Variants in PIGU observed in about 807,000 individuals in gnomAD.
PIGU encodes the protein GPI-anchor transamidase component PIGU.
PIGU carries 24 observed loss-of-function variants against 49.9 expected under a neutral mutation model. That is an observed-to-expected ratio of 0.48 (90% CI 0.35 to 0.68). PIGU has a LOEUF of 0.68. PIGU is among the 30% of genes least tolerant of loss of function. PIGU has a pLI of 0.01. For missense variants in PIGU, 490 were observed against 532.6 expected (o/e 0.92, Z 0.79); for synonymous variants, 220 against 205.7 (o/e 1.07, Z -0.59).
At chr20:34,582,739 A>AT (rs1337727399) in intron 9 of PIGU, among the ~76,000 whole-genome samples, 1 of 152,064 alleles carries the variant, frequency 6.6e-6, no homozygotes, top group Non-Finnish European at 1.5e-5. Context: ...GAGGAAACAG[A>AT]TTCAGAGAAG....
chr20:34,634,764 C>T, intron 5 of PIGU, 49 bp from the exon 6 acceptor site: 1 of 1,592,520 alleles, frequency 6.3e-7, no homozygotes, highest in Non-Finnish European at 8.6e-7. Flanking sequence ...ACCAAGGAGC[C>T]CTCGCCATTA....
intron 1 of PIGU, among the ~76,000 whole-genome samples, chr20:34,658,794 T>C (rs868259120): frequency 0.019 from 1,954 of 104,276 alleles, 47 homozygotes; most frequent in African/African-American, 0.062. Flanking sequence ...CCCCTCCGCC[T>C]GGCAGCCGCC....
chr20:34,591,219 T>C (rs1031472474), intron 7 of PIGU, among the ~76,000 whole-genome samples: 1 of 152,038 alleles, frequency 6.6e-6, no homozygotes, highest in African/African-American at 2.4e-5. Flanking sequence ...GCTCCATTCA[T>C]TGGAAAAATA....
At chr20:34,620,692 T>TC (rs1047658030) in intron 6 of PIGU, among the ~76,000 whole-genome samples, 8 of 150,824 alleles carry the variant, frequency 5.3e-5, no homozygotes, top group Admixed American at 3.3e-4. Flanking sequence ...GAGCCTATAG[T>TC]CCCAGCTACT....
intron 1 of PIGU, among the ~76,000 whole-genome samples, chr20:34,667,111 A>C (rs1332547523): frequency 6.6e-6 from 1 of 152,088 alleles, no homozygotes; most frequent in African/African-American, 2.4e-5. Context: ...CAAAGTGCTA[A>C]GATTACAGGC....
intron 6 of PIGU, among the ~76,000 whole-genome samples, chr20:34,619,129 A>G (rs1229078644): frequency 6.6e-6 from 1 of 152,220 alleles, no homozygotes; most frequent in Non-Finnish European, 1.5e-5. Flanking sequence ...AGAAGCTAGA[A>G]GTAATAGGAC....
At chr20:34,606,451 T>C (rs1984619937) in intron 7 of PIGU, among the ~76,000 whole-genome samples, 1 of 152,116 alleles carries the variant, frequency 6.6e-6, no homozygotes, top group South Asian at 2.1e-4. Context: ...TTTCATAACA[T>C]TAACATTTTG....
chr20:34,657,129 T>C, intron 2 of PIGU, 51 bp downstream of exon 2: 1 of 1,377,112 alleles, frequency 7.3e-7, no homozygotes, highest in Non-Finnish European at 1.0e-6. Context: ...CTTTGGTATC[T>C]GTGACTGTAA....
intron 1 of PIGU, among the ~76,000 whole-genome samples, chr20:34,672,940 C>A (rs1987356601): frequency 6.6e-6 from 1 of 150,448 alleles, no homozygotes; most frequent in Non-Finnish European, 1.5e-5. Context: ...CCCCTTTACC[C>A]AAAGAACTGA....
chr20:34,611,362 AC>A (rs1359286724), intron 7 of PIGU, among the ~76,000 whole-genome samples: 1 of 151,862 alleles, frequency 6.6e-6, no homozygotes, highest in African/African-American at 2.4e-5. Flanking sequence ...AAGAAAAAAA[AC>A]AGGCCAGGTG....
chr20:34,570,958 G>C (rs776724138), intron 11 of PIGU, among the ~76,000 whole-genome samples: 2 of 152,164 alleles, frequency 1.3e-5, no homozygotes, highest in Non-Finnish European at 2.9e-5. Flanking sequence ...GGTATTTGAA[G>C]AGCATGTTGC....
intron 7 of PIGU, among the ~76,000 whole-genome samples, chr20:34,597,556 T>G (rs555901895): frequency 6.6e-6 from 1 of 152,320 alleles, no homozygotes; most frequent in African/African-American, 2.4e-5. Context: ...GTATTAAGAT[T>G]CATGCACTTC....
At position 34,641,533 on chromosome 20, in the gene PIGU, T is replaced by C. The variant is rs1299522644; in HGVS notation, c.318+2631A>G. Among the ~76,000 whole-genome samples the C allele has an allele frequency of 3.3e-5, 5 of 152,164 alleles. No homozygotes were observed. The East Asian group carries it at 9.6e-4, about 29-fold the overall frequency. ...CATTGTTTTTGTCAAGTGAGATAGA[T>C]GTAAAATGTCATGATAACCAACTGG... On this transcript the variant is annotated intron_variant, in intron 4 of 11. Coordinates refer to ENST00000217446, the MANE Select transcript of PIGU (RefSeq NM_080476.5).
intron 1 of PIGU, among the ~76,000 whole-genome samples, chr20:34,664,757 A>G (rs1340532328): frequency 2.0e-5 from 3 of 152,166 alleles, no homozygotes; most frequent in Non-Finnish European, 2.9e-5. Flanking sequence ...TGAGAGGCCA[A>G]GGAGGGTATA....
At chr20:34,578,406 T>C (rs536445163) in intron 10 of PIGU, among the ~76,000 whole-genome samples, 6 of 152,348 alleles carry the variant, frequency 3.9e-5, no homozygotes, top group Admixed American at 6.5e-5. Context: ...AACATCACTA[T>C]GTACATTTCT....
intron 7 of PIGU, among the ~76,000 whole-genome samples, chr20:34,614,464 C>T (rs1259731612): frequency 6.6e-6 from 1 of 150,874 alleles, no homozygotes; most frequent in Non-Finnish European, 1.5e-5. Flanking sequence ...GAAACCCCAT[C>T]TCTACAAAAA....
At chr20:34,673,021 G>A (rs1196565495) in intron 1 of PIGU, among the ~76,000 whole-genome samples, 8 of 151,796 alleles carry the variant, frequency 5.3e-5, no homozygotes, top group Non-Finnish European at 1.0e-4. Flanking sequence ...TTGGAAGGCC[G>A]AGGCGGGTGG....
Position 34,600,416 on chromosome 20 carries a change from G to GA in PIGU, c.628-11810dup, listed in dbSNP as rs1055148014. 4.0e-4 allele frequency among the ~76,000 whole-genome samples: 60 copies of GA among 151,110 alleles called. 1 individual carries two copies. Among genetic ancestry groups the GA allele is most frequent in the African/African-American group, 1.4e-3 (56 of 41,132 alleles). On this transcript the variant is annotated intron_variant, in intron 7 of 11. Coordinates refer to ENST00000217446, the MANE Select transcript of PIGU (RefSeq NM_080476.5). ...AGAAAAAAGAGAAGAGAAGAGAAGAGAGAAAAGAAAAGAAAAAAGAGAAAA... is the reference window on the plus strand; with the variant it reads ...AGAAAAAAGAGAAGAGAAGAGAAGAGAAGAAAAGAAAAGAAAAAAGAGAAAA...
chr20:34,598,368 T>C (rs1239623338), intron 7 of PIGU, among the ~76,000 whole-genome samples: 3 of 152,148 alleles, frequency 2.0e-5, no homozygotes, highest in African/African-American at 7.2e-5. Flanking sequence ...AAGATAAGCA[T>C]AGAGAGGTAG....
Sources: gnomAD v4.1 joint callset for allele counts (sites outside exome capture counted in the v4.1 genomes callset) on GRCh38, gnomAD v4.1.1 for gene constraint, MANE v1.5 for transcripts, NCBI Gene and HGNC (gene_info 2026-07-23, HGNC 2026-07-21) for gene names.